Variants in LRRC49 observed in about 807,000 individuals in gnomAD.
LRRC49 encodes the protein leucine-rich repeat-containing protein 49.
A neutral mutation model predicts 83.3 loss-of-function variants in LRRC49; 50 were observed. That is an observed-to-expected ratio of 0.60 (90% CI 0.48 to 0.76). The LOEUF is 0.76. Ranked by LOEUF, LRRC49 falls within the 30% of genes least tolerant of loss-of-function variation. LRRC49 has a pLI of 0.00. For synonymous variants in LRRC49, 286 were observed against 283.3 expected (o/e 1.01, Z -0.10); for missense variants, 704 against 809.1 (o/e 0.87, Z 1.58).
chr15:70,943,606 C>G (rs1472001346), intron 8 of LRRC49, among the ~76,000 whole-genome samples: 1 of 152,212 alleles, frequency 6.6e-6, no homozygotes, highest in Non-Finnish European at 1.5e-5. Flanking sequence ...AGTGTGTTTA[C>G]TGGAGTTGCA....
chr15:71,022,507 A>G (rs1409041687), intron 14 of LRRC49, among the ~76,000 whole-genome samples: 1 of 152,240 alleles, frequency 6.6e-6, no homozygotes, highest in Admixed American at 6.5e-5. Context: ...GTGAGAAAAG[A>G]TAAACAACAT....
chr15:70,892,251 C>T (rs760840980), upstream of LRRC49: 22 of 1,578,994 alleles, frequency 1.4e-5, no homozygotes, highest in South Asian at 2.4e-4. Flanking sequence ...CCGCAGTGGG[C>T]GGCCACACAA....
chr15:71,039,818 T>C (rs2039642287), intron 15 of LRRC49, among the ~76,000 whole-genome samples: 1 of 152,156 alleles, frequency 6.6e-6, no homozygotes, highest in African/African-American at 2.4e-5. Flanking sequence ...AAACCAAGGA[T>C]TTCACAGTAA....
chr15:71,041,074 C>T (rs907606435), intron 15 of LRRC49, among the ~76,000 whole-genome samples: 10 of 152,116 alleles, frequency 6.6e-5, no homozygotes, highest in Non-Finnish European at 1.0e-4. Context: ...TAAACACAAC[C>T]TAGGCAACAC....
chr15:71,037,144 G>A, intron 14 of LRRC49, 35 bp from the exon 15 acceptor site: 2 of 1,487,636 alleles, frequency 1.3e-6, no homozygotes, highest in Non-Finnish European at 1.8e-6. Context: ...AGTCTGATAA[G>A]TAACTCTCTA....
chr15:71,014,083 T>C (rs906255903), intron 14 of LRRC49, among the ~76,000 whole-genome samples: 3 of 152,082 alleles, frequency 2.0e-5, no homozygotes, highest in Admixed American at 2.0e-4. Context: ...TACCCAAGTG[T>C]ATCGGATTGA....
intron 4 of LRRC49, among the ~76,000 whole-genome samples, chr15:70,901,609 C>T (rs1157577311): frequency 1.3e-5 from 2 of 152,186 alleles, no homozygotes; most frequent in Non-Finnish European, 2.9e-5. Flanking sequence ...ATTGCAACCC[C>T]TTCCACACTG....
At chr15:70,921,882 T>C (rs1466829592) in intron 7 of LRRC49, among the ~76,000 whole-genome samples, 4 of 151,958 alleles carry the variant, frequency 2.6e-5, no homozygotes, top group African/African-American at 9.7e-5. Context: ...TCTGATGTTT[T>C]TGATGTAGAA....
chr15:71,009,079 A>G (rs1368798924), intron 12 of LRRC49, among the ~76,000 whole-genome samples: 1 of 151,838 alleles, frequency 6.6e-6, no homozygotes, highest in African/African-American at 2.4e-5. Context: ...ATTATTTAGT[A>G]TGCATTTGTA....
intron 14 of LRRC49, among the ~76,000 whole-genome samples, chr15:71,018,966 A>T (rs2038911474): frequency 2.0e-5 from 3 of 152,204 alleles, no homozygotes; most frequent in Admixed American, 2.0e-4. Flanking sequence ...ATTACAAAGG[A>T]TACAGATGAA....
chr15:70,914,828 T>A (rs2034696698), intron 6 of LRRC49, among the ~76,000 whole-genome samples: 1 of 152,218 alleles, frequency 6.6e-6, no homozygotes, highest in African/African-American at 2.4e-5. Flanking sequence ...GCTGCTTACC[T>A]GAAAGCAAAC....
rs1392585190 is a variant in LRRC49 at position 71,046,864 on chromosome 15, A to G, written c.1858-2545A>G. ...ATCCCTTTTGAGTTAATGTTTGTAT[A>G]TGGTGAAAGATAAGAAAGGTCCAGC... On this transcript the variant is annotated intron_variant, in intron 15 of 15. Coordinates refer to ENST00000260382, the MANE Select transcript of LRRC49 (RefSeq NM_017691.5). Among the ~76,000 whole-genome samples the G allele has an allele frequency of 2.0e-5, 3 of 152,318 alleles. No homozygotes were observed. In the East Asian group the frequency reaches 5.8e-4, roughly 29 times the overall value.
chr15:70,868,426 G>A (rs985000666), intron 1 of LRRC49, among the ~76,000 whole-genome samples: 3 of 152,148 alleles, frequency 2.0e-5, no homozygotes, highest in South Asian at 2.1e-4. Flanking sequence ...CTTATAAATG[G>A]TCAGGGCCAA....
chr15:71,005,564 T>C (rs1666174809), intron 11 of LRRC49, among the ~76,000 whole-genome samples: 1 of 152,146 alleles, frequency 6.6e-6, no homozygotes, highest in African/African-American at 2.4e-5. Flanking sequence ...TTTATTAGGT[T>C]GATTGCAGAG....
At chr15:70,973,667 A>T (rs2037097822) in intron 9 of LRRC49, among the ~76,000 whole-genome samples, 1 of 152,100 alleles carries the variant, frequency 6.6e-6, no homozygotes, top group Non-Finnish European at 1.5e-5. Context: ...CCTTTCTTTC[A>T]GAGTTGCTGA....
At chr15:70,990,212 G>A (rs978792939) in intron 11 of LRRC49, among the ~76,000 whole-genome samples, 3 of 152,162 alleles carry the variant, frequency 2.0e-5, no homozygotes, top group Non-Finnish European at 4.4e-5. Context: ...CTGTCTTTTT[G>A]TTTGTCTGTG....
chr15:70,911,469 T>C, intron 5 of LRRC49, 63 bp from the exon 6 acceptor site: 1 of 881,894 alleles, frequency 1.1e-6, no homozygotes. Context: ...TGCCTTAGCA[T>C]ACTTTGATTT....
intron 8 of LRRC49, among the ~76,000 whole-genome samples, chr15:70,945,561 G>A (rs888758613): frequency 6.6e-6 from 1 of 150,818 alleles, no homozygotes; most frequent in African/African-American, 2.4e-5. Context: ...GTGTGTGTGT[G>A]TGTGTATCTG....
At chr15:70,982,158 A>G (rs1004550993) in intron 10 of LRRC49, among the ~76,000 whole-genome samples, 6 of 152,142 alleles carry the variant, frequency 3.9e-5, no homozygotes, top group Admixed American at 3.3e-4. Flanking sequence ...TATAAATTTA[A>G]CATACTCAGT....
Sources: gnomAD v4.1 joint callset for allele counts (sites outside exome capture counted in the v4.1 genomes callset) on GRCh38, gnomAD v4.1.1 for gene constraint, MANE v1.5 for transcripts, NCBI Gene and HGNC (gene_info 2026-07-23, HGNC 2026-07-21) for gene names.